The following OXR1 variants were observed in gnomAD, a reference collection of about 807,000 sequenced individuals.
OXR1 encodes the protein oxidation resistance 1.
OXR1 carries 41 observed loss-of-function variants against 104.6 expected under a neutral mutation model. The observed-to-expected ratio is 0.39, with a 90% CI of 0.31 to 0.51. The LOEUF is 0.51. Ranked by LOEUF, OXR1 falls within the 20% of genes least tolerant of loss-of-function variation. OXR1 has a pLI of 0.77. For missense variants in OXR1, 955 were observed against 1,031.9 expected (o/e 0.93, Z 1.02); for synonymous variants, 348 against 348.4 (o/e 1.00, Z 0.01).
At chr8:106,721,499 G>A (rs1337163272) in intron 11 of OXR1, among the ~76,000 whole-genome samples, 2 of 151,988 alleles carry the variant, frequency 1.3e-5, no homozygotes, top group Non-Finnish European at 2.9e-5. Flanking sequence ...AAAATGATTC[G>A]TATTTGAATA....
chr8:106,687,823 A>G (rs1332317416), intron 6 of OXR1, among the ~76,000 whole-genome samples: 1 of 152,078 alleles, frequency 6.6e-6, no homozygotes, highest in Non-Finnish European at 1.5e-5. Flanking sequence ...GAAGTTAATT[A>G]TTTTGTGTTT....
chr8:106,468,816 AG>A (rs1341955588), intron 2 of OXR1, among the ~76,000 whole-genome samples: 2 of 151,858 alleles, frequency 1.3e-5, no homozygotes, highest in African/African-American at 4.8e-5. Context: ...AGTACATTTT[AG>A]GGATTACTTC....
chr8:106,570,729 C>T (rs1376994613), intron 3 of OXR1, among the ~76,000 whole-genome samples: 1 of 152,174 alleles, frequency 6.6e-6, no homozygotes, highest in East Asian at 1.9e-4. Flanking sequence ...CCCCAGATGC[C>T]TGTCTTGTTG....
chr8:106,691,362 T>C lies in OXR1; in HGVS notation c.526-1366T>C, dbSNP rs1044322665. Reference sequence around the variant, plus strand: ...ATAGAGATACTAATACTTTGAATAGTGTACATTTATGTAAGTTACGGTGAG... The same window carrying C: ...ATAGAGATACTAATACTTTGAATAGCGTACATTTATGTAAGTTACGGTGAG... On this transcript the variant is annotated intron_variant, in intron 6 of 16. Transcript: ENST00000517566. Among the ~76,000 whole-genome samples the C allele has an allele frequency of 8.9e-4, 136 of 152,086 alleles. 1 individual carries two copies. The highest frequency in any genetic ancestry group is 1.5e-3 in the Non-Finnish European group (105 of 67,882).
intron 1 of OXR1, among the ~76,000 whole-genome samples, chr8:106,311,191 C>T (rs1156855785): frequency 6.6e-6 from 1 of 151,846 alleles, no homozygotes; most frequent in African/African-American, 2.4e-5. Context: ...GTTATTTCTG[C>T]TCTTCTTTTA....
chr8:106,590,350 C>A (rs571328251), intron 3 of OXR1, among the ~76,000 whole-genome samples: 1 of 152,166 alleles, frequency 6.6e-6, no homozygotes, highest in Non-Finnish European at 1.5e-5. Context: ...TGCACTGGCA[C>A]GATCTTGGCT....
At chr8:106,432,432 C>T (rs1337212742) in intron 2 of OXR1, among the ~76,000 whole-genome samples, 2 of 152,172 alleles carry the variant, frequency 1.3e-5, no homozygotes, top group Non-Finnish European at 2.9e-5. Flanking sequence ...GGTGCACTGG[C>T]CTCTTTGCTG....
chr8:106,287,862 A>T (rs1374610024), intron 1 of OXR1, among the ~76,000 whole-genome samples: 1 of 152,214 alleles, frequency 6.6e-6, no homozygotes, highest in Admixed American at 6.5e-5. Context: ...ATTTGTTATT[A>T]GTTCCTATTT....
chr8:106,724,046 A>G (rs761808354), intron 11 of OXR1, among the ~76,000 whole-genome samples: 7 of 151,958 alleles, frequency 4.6e-5, no homozygotes, highest in East Asian at 3.9e-4. Flanking sequence ...TCAGCCTCCC[A>G]AAGCACTGGG....
At position 106,706,337 on chromosome 8, in the gene OXR1, C is replaced by T. The variant is rs771533511; in HGVS notation, c.861-45C>T. On this transcript the variant is annotated intron_variant, in intron 8 of 16. Transcript: ENST00000517566. ...GTTCAGTGTGTGAAAAGTAAAATACCACAATTTTAAAAGTCTAATTATTTT... is the reference window on the plus strand; with the variant it reads ...GTTCAGTGTGTGAAAAGTAAAATACTACAATTTTAAAAGTCTAATTATTTT... The T allele has an allele frequency of 1.3e-5, 18 of 1,399,962 alleles. No individual in the cohort carries two copies. In the East Asian group the frequency reaches 2.7e-4, roughly 21 times the overall value. 86.7% of individuals were successfully genotyped at this position (1,399,962 alleles called of 1,614,324 possible).
chr8:106,705,083 CATATTAAATCTGAAGAGT>C (rs1831016450), intron 8 of OXR1, among the ~76,000 whole-genome samples: 1 of 152,126 alleles, frequency 6.6e-6, no homozygotes, highest in Non-Finnish European at 1.5e-5. Context: ...AGCCTTTCAG[CATATTAAATCTGAAGAGT>C]ATAGCACTTT....
At chr8:106,386,245 T>A (rs1364558721) in intron 2 of OXR1, among the ~76,000 whole-genome samples, 2 of 152,190 alleles carry the variant, frequency 1.3e-5, no homozygotes. Flanking sequence ...TATAAAGGGA[T>A]ATTGGTTCAG....
intron 11 of OXR1, chr8:106,726,265 A>C: frequency 6.6e-7 from 1 of 1,522,316 alleles, no homozygotes; most frequent in South Asian, 1.2e-5. Context: ...CTGGTATGGG[A>C]AAAAAGGGAG....
intron 3 of OXR1, among the ~76,000 whole-genome samples, chr8:106,659,431 A>G (rs1825520147): frequency 6.6e-6 from 1 of 152,224 alleles, no homozygotes; most frequent in Non-Finnish European, 1.5e-5. Flanking sequence ...CTGTTTATGG[A>G]ATTAGGAAAT....
intron 2 of OXR1, among the ~76,000 whole-genome samples, chr8:106,482,431 G>T (rs62516883): frequency 6.7e-6 from 1 of 148,822 alleles, no homozygotes; most frequent in South Asian, 2.1e-4. Context: ...AAAAAAAAAG[G>T]CTCAAATCCC....
At chr8:106,275,523 G>A (rs1215426298) in intron 1 of OXR1, among the ~76,000 whole-genome samples, 2 of 152,258 alleles carry the variant, frequency 1.3e-5, no homozygotes, top group East Asian at 3.9e-4. Context: ...ACTATTTTGG[G>A]GGGATTAATA....
At chr8:106,703,927 A>G (rs576220656) in intron 8 of OXR1, among the ~76,000 whole-genome samples, 2 of 152,348 alleles carry the variant, frequency 1.3e-5, no homozygotes, top group African/African-American at 2.4e-5. Flanking sequence ...ATATCCCTGT[A>G]TTAGCCCACA....
intron 2 of OXR1, among the ~76,000 whole-genome samples, chr8:106,461,127 T>A (rs1467590507): frequency 6.6e-6 from 1 of 152,028 alleles, no homozygotes; most frequent in Non-Finnish European, 1.5e-5. Context: ...CAAAAGCAAA[T>A]TAGGGCTAGT....
At chr8:106,339,519 A>AAATATATAT (rs869120573) in intron 1 of OXR1, among the ~76,000 whole-genome samples, 4 of 33,364 alleles carry the variant, frequency 1.2e-4, no homozygotes, top group Non-Finnish European at 1.6e-4. Flanking sequence ...AAAAAAAAAA[A>AAATATATAT]ATATATATAT....
Sources: allele counts gnomAD v4.1 joint callset (sites outside exome capture counted in the v4.1 genomes callset), GRCh38; gene constraint gnomAD v4.1.1; transcripts MANE v1.5; gene names NCBI Gene and HGNC (gene_info 2026-07-23, HGNC 2026-07-21).